SLC7A5: variants seen among roughly 807,000 people sequenced by gnomAD.
The protein encoded by SLC7A5 is large neutral amino acids transporter small subunit 1.
SLC7A5 carries 23 observed loss-of-function variants against 50.2 expected under a neutral mutation model. That is an observed-to-expected ratio of 0.46 (90% CI 0.33 to 0.65). SLC7A5 has a LOEUF of 0.65. Ranked by LOEUF, SLC7A5 falls within the 30% of genes least tolerant of loss-of-function variation. The probability of loss-of-function intolerance (pLI) is 0.02; values close to 1 mark genes in which losing one functional copy is unlikely to be tolerated. For synonymous variants in SLC7A5, 393 were observed against 330.6 expected (o/e 1.19, Z -2.05); for missense variants, 578 against 684.4 (o/e 0.84, Z 1.73).
At chr16:87,839,607 A>G in intron 5 of SLC7A5, 95 bp downstream of exon 5, 1 of 1,578,284 alleles carries the variant, frequency 6.3e-7, no homozygotes, top group South Asian at 1.1e-5. Flanking sequence ...TGCGTAGGGG[A>G]GGCTTAGAGA....
At chr16:87,848,852 G>C (rs2055185596) in intron 2 of SLC7A5, among the ~76,000 whole-genome samples, 1 of 152,262 alleles carries the variant, frequency 6.6e-6, no homozygotes, top group African/African-American at 2.4e-5. Context: ...CGGGACAGAA[G>C]ATGGTTCTGC....
Position 87,853,723 on chromosome 16 carries a change from T to A in SLC7A5, c.539-1874A>T, listed in dbSNP as rs1034157799. 6.6e-6 allele frequency among the ~76,000 whole-genome samples: 1 copy of A among 152,118 alleles called. No individual in the cohort carries two copies. The highest frequency in any genetic ancestry group is 1.5e-5 in the Non-Finnish European group (1 of 68,020). On this transcript the variant is annotated intron_variant, in intron 1 of 9. Coordinates refer to ENST00000261622, the MANE Select transcript of SLC7A5 (RefSeq NM_003486.7). This position sits in a 1 kb window ranked among gnomAD's most constrained non-coding sequence, Gnocchi z 4.4. The stretch of plus-strand genomic sequence containing the variant: ...GCCGGCTTCTGGAGAGCTTTCTGGA[T>A]TCGCAAGAGGCCGGCTGATTGCATC...
rs922570671 is a variant in SLC7A5 at position 87,852,041 on chromosome 16, C to T, written c.539-192G>A. 3.9e-5 allele frequency among the ~76,000 whole-genome samples: 6 copies of T among 152,106 alleles called. No individual in the cohort carries two copies. Among genetic ancestry groups the T allele is most frequent in the East Asian group, 3.9e-4 (2 of 5,178 alleles). On this transcript the variant is annotated intron_variant, in intron 1 of 9. Transcript: ENST00000261622. The surrounding 1 kb of genome is among the most constrained non-coding windows in gnomAD (Gnocchi z 4.5). ...TTCTGAGACCTGTTTTGATAAACTT[C>T]GCAGTCCTTTCAGGTCTAAGGGCTG... is the stretch of plus-strand genomic sequence containing the variant.
At chr16:87,864,950 C>T (rs556544115) in intron 1 of SLC7A5, among the ~76,000 whole-genome samples, 1 of 152,248 alleles carries the variant, frequency 6.6e-6, no homozygotes, top group South Asian at 2.1e-4. Flanking sequence ...GGGATCAGGC[C>T]GCCTTCAGCC....
At position 87,836,644 on chromosome 16, in the gene SLC7A5, C is replaced by T; in HGVS notation, c.1144G>A (p.Val382Met). ...GAGAAGGCGTAGAGCAGCGTCATCA[C>T]ACACTGGAAGAGAGAGGCGGCTGGC... ...TPVPSLVFTCVMTLLYAFSKD... is the reference protein window; with the variant it reads ...TPVPSLVFTCMMTLLYAFSKD... The change falls in exon 8 of 10, where the codon GTG (valine) becomes ATG (methionine). Residue 382 changes from valine (V) to methionine (M), a missense_variant. Physicochemically the swap from Val to Met is conservative, Grantham distance 21. This residue lies in a region of SLC7A5 where 465 missense variants were observed against 594.6 expected (regional missense o/e 0.78). Transcript: ENST00000261622. 2 of 1,612,446 alleles carry T rather than the reference C, an allele frequency of 1.2e-6. No individual in the cohort carries two copies. Among genetic ancestry groups the T allele is most frequent in the Non-Finnish European group, 8.5e-7 (1 of 1,180,000 alleles).
In SLC7A5 at chr16:87,832,601, G is replaced by C. The variant is rs1203467514; in HGVS notation, c.*369C>G. 5 of 157,996 alleles carry C rather than the reference G, an allele frequency of 3.2e-5. No individual in the cohort carries two copies. Among genetic ancestry groups the C allele is most frequent in the Non-Finnish European group, 7.0e-5 (5 of 71,592 alleles). 9.8% of individuals were successfully genotyped at this position (157,996 alleles called of 1,614,324 possible). ...GTCTGGGCCCTTGGGGCAGGAGAAA[G>C]GAAGGCTCCTGCCTTCCCCCAGCTC... On this transcript the variant is annotated 3_prime_UTR_variant, in exon 10 of 10. Transcript: ENST00000261622. This position sits in a 1 kb window ranked among gnomAD's most constrained non-coding sequence, Gnocchi z 4.6.
intron 2 of SLC7A5, among the ~76,000 whole-genome samples, chr16:87,851,112 C>T (rs1372798834): frequency 8.5e-5 from 13 of 152,240 alleles, no homozygotes; most frequent in African/African-American, 1.9e-4. Context: ...AAAACCTGTG[C>T]GCCAGACTGC....
At chr16:87,836,461 G>A (rs762469224) in intron 8 of SLC7A5, 37 bp downstream of exon 8, 2 of 1,603,410 alleles carry the variant, frequency 1.2e-6, no homozygotes, top group South Asian at 1.1e-5. Context: ...CTGCCTCTGT[G>A]AAGGGTGCCT....
chr16:87,833,466 G>A lies in SLC7A5; in HGVS notation c.1469-441C>T, dbSNP rs980815205. 1.3e-5 allele frequency among the ~76,000 whole-genome samples: 2 copies of A among 152,206 alleles called. No homozygotes were observed. The highest frequency in any genetic ancestry group is 1.9e-4 in the East Asian group (1 of 5,188). On this transcript the variant is annotated intron_variant, in intron 9 of 9. Coordinates refer to ENST00000261622, the MANE Select transcript of SLC7A5 (RefSeq NM_003486.7). This position sits in a 1 kb window ranked among gnomAD's most constrained non-coding sequence, Gnocchi z 6.0. ...AACGGGTCCTCGGAAGACCTGTCGC[G>A]CCTGGGACTGTCTACAGAGACATCA...
chr16:87,858,270 T>C (rs901985229), intron 1 of SLC7A5, among the ~76,000 whole-genome samples: 1 of 152,076 alleles, frequency 6.6e-6, no homozygotes, highest in African/African-American at 2.4e-5. Flanking sequence ...CTCGCGGACG[T>C]GTCTTACGGC....
chr16:87,834,805 G>A (rs1332869618), intron 8 of SLC7A5: 11 of 610,260 alleles, frequency 1.8e-5, no homozygotes, highest in African/African-American at 5.5e-5. Flanking sequence ...GGGCTCAGGC[G>A]GCTTATGATG....
intron 2 of SLC7A5, among the ~76,000 whole-genome samples, chr16:87,850,064 C>A (rs1445463925): frequency 6.6e-6 from 1 of 152,234 alleles, no homozygotes; most frequent in East Asian, 1.9e-4. Context: ...CATCCCCCTG[C>A]AGGCCCAGGT....
At position 87,851,813 on chromosome 16, in the gene SLC7A5, G is replaced by A. The variant is rs901408556; in HGVS notation, c.575C>T (p.Ala192Val). The A allele has an allele frequency of 6.2e-6, 10 of 1,612,948 alleles. No homozygotes were observed. The highest frequency in any genetic ancestry group is 2.2e-5 in the South Asian group (2 of 91,082). ...AAAGGCATCCTGGACCCGGGTGGCG[G>A]CCTTCACGCTGTAGCAGTTCACGGC... is the stretch of plus-strand genomic sequence containing the variant. Reference protein sequence around the residue: ...LTAVNCYSVKAATRVQDAFAA... With the variant: ...LTAVNCYSVKVATRVQDAFAA... The change falls in exon 2 of 10, where the codon GCC becomes GTC. Residue 192 changes from alanine to valine, a missense_variant. Transcript: ENST00000261622.
chr16:87,835,085 A>G (rs1340464993), intron 8 of SLC7A5, among the ~76,000 whole-genome samples: 3 of 152,262 alleles, frequency 2.0e-5, no homozygotes, highest in African/African-American at 7.2e-5. Context: ...CACAGAAGCC[A>G]GGCAGGGCTG....
At chr16:87,866,113 G>A (rs888362044) in intron 1 of SLC7A5, among the ~76,000 whole-genome samples, 14 of 151,980 alleles carry the variant, frequency 9.2e-5, no homozygotes, top group African/African-American at 1.7e-4. Context: ...GCGGGGGTGC[G>A]GTGAGCACAC....
At chr16:87,846,400 G>A (rs1184685075) in intron 2 of SLC7A5, among the ~76,000 whole-genome samples, 3 of 152,250 alleles carry the variant, frequency 2.0e-5, no homozygotes, top group Admixed American at 6.5e-5. Context: ...GAGGCCCTGG[G>A]GCTTGCCCTA....
chr16:87,857,727 G>T (rs1474377837), intron 1 of SLC7A5, among the ~76,000 whole-genome samples: 1 of 152,254 alleles, frequency 6.6e-6, no homozygotes, highest in African/African-American at 2.4e-5. Context: ...GCTCAGTGTT[G>T]AAACAGATTT....
At position 87,832,783 on chromosome 16, in the gene SLC7A5, C is replaced by T. The variant is rs1371916544; in HGVS notation, c.*187G>A. Reference sequence around the variant, plus strand: ...CAGGCACACCTGGGTCCCTGGCCCTCAGTTGAGGGATGAGATTCGTACCAG... The same window carrying T: ...CAGGCACACCTGGGTCCCTGGCCCTTAGTTGAGGGATGAGATTCGTACCAG... On this transcript the variant is annotated 3_prime_UTR_variant, in exon 10 of 10. Transcript: ENST00000261622. This position sits in a 1 kb window ranked among gnomAD's most constrained non-coding sequence, Gnocchi z 4.6. The T allele has an allele frequency of 1.6e-6, 1 of 628,954 alleles. No individual in the cohort carries two copies. Among genetic ancestry groups the T allele is most frequent in the Admixed American group, 2.1e-5 (1 of 47,222 alleles). 39.0% of individuals were successfully genotyped at this position (628,954 alleles called of 1,614,324 possible). A position where few individuals can be genotyped will look rare whatever the true frequency, so the allele number is the denominator to read the frequency against.
At position 87,831,480 on chromosome 16, in the gene SLC7A5, G is replaced by A. The variant is rs1302394493; in HGVS notation, c.*1490C>T. 6.6e-6 allele frequency: 1 copy of A among 152,032 alleles called. No homozygotes were observed. Among genetic ancestry groups the A allele is most frequent in the Admixed American group, 6.5e-5 (1 of 15,276 alleles). 9.4% of individuals were successfully genotyped at this position (152,032 alleles called of 1,614,324 possible). A position where few individuals can be genotyped will look rare whatever the true frequency, so the allele number is the denominator to read the frequency against. On this transcript the variant is annotated 3_prime_UTR_variant, in exon 10 of 10. Coordinates refer to ENST00000261622, the MANE Select transcript of SLC7A5 (RefSeq NM_003486.7). ...GCGGCTTGAGCAGCCGCTGGTCAGT[G>A]AAGCCGTGTCCGGCTTCGTTGGCTC...
Sources: allele counts gnomAD v4.1 joint callset (sites outside exome capture counted in the v4.1 genomes callset), GRCh38; gene constraint gnomAD v4.1.1; regional missense constraint gnomAD v4.1.1; non-coding constraint Gnocchi (gnomAD v3.1); transcripts MANE v1.5; gene names NCBI Gene and HGNC (gene_info 2026-07-23, HGNC 2026-07-21).